Variants in PREX2 observed in about 807,000 individuals in gnomAD.
The protein encoded by PREX2 is phosphatidylinositol 3,4,5-trisphosphate-dependent Rac exchanger 2 protein.
Under a neutral mutation model 203.2 loss-of-function variants are expected in PREX2, and 107 were observed. The ratio of observed to expected loss-of-function variants is 0.53; its 90% CI spans 0.45 to 0.62. The LOEUF is 0.62. PREX2 is among the 20% of genes least tolerant of loss of function. PREX2 has a pLI of 0.00. For missense variants in PREX2, 1,777 were observed against 1,955.9 expected (o/e 0.91, Z 1.72); for synonymous variants, 672 against 663.6 (o/e 1.01, Z -0.19).
At chr8:67,965,051 A>C (rs1432214679) in intron 1 of PREX2, among the ~76,000 whole-genome samples, 1 of 152,158 alleles carries the variant, frequency 6.6e-6, no homozygotes, top group Non-Finnish European at 1.5e-5. Context: ...CCGGAAGTAC[A>C]CAGAAGCTAG....
chr8:68,076,056 A>G (rs1809338262), intron 14 of PREX2, among the ~76,000 whole-genome samples: 1 of 152,244 alleles, frequency 6.6e-6, no homozygotes, highest in Non-Finnish European at 1.5e-5. Context: ...GAGAGATAGC[A>G]TAAAACCAAG....
intron 18 of PREX2, among the ~76,000 whole-genome samples, 173 bp downstream of exon 18, chr8:68,083,561 G>T (rs1809594796): frequency 6.6e-6 from 1 of 152,186 alleles, no homozygotes; most frequent in African/African-American, 2.4e-5. Flanking sequence ...CATCGCTTGT[G>T]ATGCTGACAT....
Position 68,116,711 on chromosome 8 carries a change from G to A in PREX2, c.3326+779G>A, listed in dbSNP as rs1029408416. Among the ~76,000 whole-genome samples the A allele has an allele frequency of 1.1e-4, 17 of 152,226 alleles. No individual in the cohort carries two copies. In the South Asian group the frequency reaches 1.5e-3, roughly 13 times the overall value. Reference sequence around the variant, plus strand: ...ATTTTATAGGGTGGCTTAAGGTCACGCCCTAATGACCTCATTTTAACTTGA... The same window carrying A: ...ATTTTATAGGGTGGCTTAAGGTCACACCCTAATGACCTCATTTTAACTTGA... On this transcript the variant is annotated intron_variant, in intron 26 of 39. Coordinates refer to ENST00000288368, the MANE Select transcript of PREX2 (RefSeq NM_024870.4).
At chr8:68,085,289 A>T (rs1192056414) in intron 18 of PREX2, among the ~76,000 whole-genome samples, 1 of 152,168 alleles carries the variant, frequency 6.6e-6, no homozygotes, top group Non-Finnish European at 1.5e-5. Context: ...TTGCTACTTT[A>T]TTATATCAAG....
chr8:68,067,132 T>C (rs1809039134), intron 11 of PREX2, among the ~76,000 whole-genome samples: 1 of 152,078 alleles, frequency 6.6e-6, no homozygotes, highest in Non-Finnish European at 1.5e-5. Context: ...GGCTTTGTAG[T>C]AGAGTCTGAA....
intron 4 of PREX2, 48 bp downstream of exon 4, chr8:68,022,188 TC>T (rs770594781): frequency 4.3e-6 from 4 of 936,298 alleles, no homozygotes; most frequent in African/African-American, 1.6e-5. Context: ...TGTTGCTAGA[TC>T]CAGTGAGAGC....
In PREX2 at chr8:68,234,584, T is replaced by C. The variant is rs1813231705; in HGVS notation, c.*3206T>C. 1 of 152,192 alleles carries C rather than the reference T, an allele frequency of 6.6e-6. No homozygotes were observed. The highest frequency in any genetic ancestry group is 2.1e-4 in the South Asian group (1 of 4,836). 9.4% of individuals were successfully genotyped at this position (152,192 alleles called of 1,614,324 possible). A position where few individuals can be genotyped will look rare whatever the true frequency, so the allele number is the denominator to read the frequency against. On this transcript the variant is annotated 3_prime_UTR_variant, in exon 40 of 40. Coordinates refer to ENST00000288368, the MANE Select transcript of PREX2 (RefSeq NM_024870.4). ...GATTAGAATTTTACATGTATTTCCA[T>C]TCCTATTTAAAGAGAGAAAATGGGG...
chr8:68,069,950 A>G lies in PREX2; in HGVS notation c.1493+66A>G, dbSNP rs1021728020. 8.1e-6 allele frequency: 7 copies of G among 862,064 alleles called. No homozygotes were observed. The Admixed American group carries it at 1.2e-4, about 15-fold the overall frequency. The allele number at this position is 862,064 out of a possible 1,614,324, so 53.4% of individuals were successfully genotyped here. A position where few individuals can be genotyped will look rare whatever the true frequency, so the allele number is the denominator to read the frequency against. On this transcript the variant is annotated intron_variant, in intron 13 of 39. Transcript: ENST00000288368. ...TATTTGTACTATGTTTTAGGTAAAT[A>G]TTATTCAGCCAGAACTTGTTGGCTT...
intron 15 of PREX2, among the ~76,000 whole-genome samples, chr8:68,077,719 C>A (rs1000567218): frequency 6.6e-6 from 1 of 152,160 alleles, no homozygotes; most frequent in Admixed American, 6.5e-5. Context: ...TATGCTGATT[C>A]TAGAAGAACA....
chr8:68,169,277 C>T (rs112406906), intron 35 of PREX2, among the ~76,000 whole-genome samples: 5 of 152,128 alleles, frequency 3.3e-5, no homozygotes, highest in Admixed American at 6.5e-5. Context: ...ACCCAGGCCA[C>T]GCACCCATTC....
In PREX2 at chr8:68,057,006, C is replaced by A. The variant is rs1195931716; in HGVS notation, c.1238+1032C>A. Reference sequence around the variant, plus strand: ...AATCATAGGCTACCTCTGCCTCCCTCATATGGTTTGGCTGTGTCCCCACCC... The same window carrying A: ...AATCATAGGCTACCTCTGCCTCCCTAATATGGTTTGGCTGTGTCCCCACCC... On this transcript the variant is annotated intron_variant, in intron 10 of 39. Coordinates refer to ENST00000288368, the MANE Select transcript of PREX2 (RefSeq NM_024870.4). Among the ~76,000 whole-genome samples the A allele has an allele frequency of 2.6e-5, 4 of 152,228 alleles. No individual in the cohort carries two copies. In the East Asian group the frequency reaches 5.8e-4, roughly 22 times the overall value.
chr8:67,984,807 A>T (rs949563094), intron 1 of PREX2, among the ~76,000 whole-genome samples: 5 of 152,142 alleles, frequency 3.3e-5, no homozygotes, highest in African/African-American at 7.2e-5. Context: ...TTTCATAAAA[A>T]CAGCCAATTC....
chr8:68,028,434 A>C (rs563995024), intron 5 of PREX2, among the ~76,000 whole-genome samples: 1 of 152,174 alleles, frequency 6.6e-6, no homozygotes, highest in South Asian at 2.1e-4. Flanking sequence ...ATTAACTAGT[A>C]TTTTTATTGA....
Position 68,232,762 on chromosome 8 carries a change from T to G in PREX2, c.*1384T>G, listed in dbSNP as rs7004629. The G allele has an allele frequency of 6.6e-6, 1 of 151,896 alleles. No individual in the cohort carries two copies. The highest frequency in any genetic ancestry group is 1.5e-5 in the Non-Finnish European group (1 of 68,004). The allele number at this position is 151,896 out of a possible 1,614,324, so 9.4% of individuals were successfully genotyped here. A position where few individuals can be genotyped will look rare whatever the true frequency, so the allele number is the denominator to read the frequency against. ...GCCTCCCAGGAGCTGGGACTACAGG[T>G]GTGCACCACCATGCTCAGCTAATTT... On this transcript the variant is annotated 3_prime_UTR_variant, in exon 40 of 40. Coordinates refer to ENST00000288368, the MANE Select transcript of PREX2 (RefSeq NM_024870.4).
At chr8:68,056,423 TAA>T (rs1808682302) in intron 10 of PREX2, among the ~76,000 whole-genome samples, 1 of 152,092 alleles carries the variant, frequency 6.6e-6, no homozygotes, top group Non-Finnish European at 1.5e-5. Context: ...AGGGTGTAGG[TAA>T]AGAGTCTGAA....
At position 68,219,229 on chromosome 8, in the gene PREX2, A is replaced by G. The variant is rs367788588; in HGVS notation, c.4707+1511A>G. Among the ~76,000 whole-genome samples, 58 of 152,260 alleles carry G rather than the reference A, an allele frequency of 3.8e-4. No individual in the cohort carries two copies. In the East Asian group the frequency reaches 0.01, roughly 27 times the overall value. On this transcript the variant is annotated intron_variant, in intron 38 of 39. Transcript: ENST00000288368. ...ATGAGTTGGTGACATATCCATTTCTACTGTATAGATTTGAATAGTCATAAT... is the reference window on the plus strand; with the variant it reads ...ATGAGTTGGTGACATATCCATTTCTGCTGTATAGATTTGAATAGTCATAAT...
Position 68,090,717 on chromosome 8 carries a change from T to C in PREX2, c.2250+2T>C. 6.2e-7 allele frequency: 1 copy of C among 1,612,654 alleles called. No homozygotes were observed. On this transcript the variant is annotated splice_donor_variant, in intron 20 of 39. Coordinates refer to ENST00000288368, the MANE Select transcript of PREX2 (RefSeq NM_024870.4). LOFTEE classifies it high-confidence loss of function. The stretch of plus-strand genomic sequence containing the variant: ...AGGAAGTACAGGCGGCCAACGAAGG[T>C]AAGTGGCCCTTCAGATAATCTGGAT...
intron 35 of PREX2, among the ~76,000 whole-genome samples, chr8:68,162,484 A>G (rs1811675818): frequency 6.6e-6 from 1 of 152,148 alleles, no homozygotes; most frequent in Non-Finnish European, 1.5e-5. Context: ...ACACAATCTT[A>G]AGACTTTTAA....
At chr8:68,119,779 T>G (rs1040354155) in intron 28 of PREX2, among the ~76,000 whole-genome samples, 2 of 152,162 alleles carry the variant, frequency 1.3e-5, no homozygotes, top group African/African-American at 2.4e-5. Context: ...TTAGTATTTT[T>G]TTTTGTTTTT....
Sources: gnomAD v4.1 joint callset for allele counts (sites outside exome capture counted in the v4.1 genomes callset) on GRCh38, gnomAD v4.1.1 for gene constraint, MANE v1.5 for transcripts, NCBI Gene and HGNC (gene_info 2026-07-23, HGNC 2026-07-21) for gene names.